Variants in GOLT1B observed in about 807,000 individuals in gnomAD.
The protein encoded by GOLT1B is vesicle transport protein GOT1B.
Under a neutral mutation model 15.4 loss-of-function variants are expected in GOLT1B, and 3 were observed. The observed-to-expected ratio is 0.19, with a 90% confidence interval of 0.09 to 0.50. GOLT1B has a LOEUF of 0.50. GOLT1B is among the 20% of genes least tolerant of loss of function. The probability of loss-of-function intolerance (pLI) is 0.97; values close to 1 mark genes in which losing one functional copy is unlikely to be tolerated. For missense variants in GOLT1B, 145 were observed against 160.4 expected (o/e 0.90, Z 0.52); for synonymous variants, 65 against 56.2 (o/e 1.16, Z -0.70).
chr12:21,512,197 C>T (rs1943724872), intron 3 of GOLT1B, 98 bp from the exon 4 acceptor site: 1 of 705,506 alleles, frequency 1.4e-6, no homozygotes. Context: ...CTCAATTATT[C>T]AGAATTTTAA....
Position 21,512,390 on chromosome 12 carries a change from T to C in GOLT1B, c.378+14T>C. The C allele has an allele frequency of 8.4e-7, 1 of 1,197,268 alleles. No individual in the cohort carries two copies. Among genetic ancestry groups the C allele is most frequent in the Non-Finnish European group, 1.2e-6 (1 of 804,774 alleles). The allele number at this position is 1,197,268 out of a possible 1,614,324, so 74.2% of individuals were successfully genotyped here. On this transcript the variant is annotated intron_variant, in intron 4 of 4. Transcript: ENST00000229314. ...GGAATTAGATCAGTAAGTAATCATGTATATTTTAGGCCAACAAAATACGTA... is the reference window on the plus strand; with the variant it reads ...GGAATTAGATCAGTAAGTAATCATGCATATTTTAGGCCAACAAAATACGTA...
Position 21,507,892 on chromosome 12 carries a change from G to A in GOLT1B, c.118-491G>A, listed in dbSNP as rs77845820. 1.5e-3 allele frequency: 675 copies of A among 445,434 alleles called. 5 individuals are homozygous for A. Among genetic ancestry groups the A allele is most frequent in the African/African-American group, 0.012 (600 of 49,594 alleles). 27.6% of individuals were successfully genotyped at this position (445,434 alleles called of 1,614,324 possible). On this transcript the variant is annotated intron_variant, in intron 2 of 4. Transcript: ENST00000229314. ...AAAACTAGAATCTTCTTGGCTTCAC[G>A]TTGTTTCTTCTGCTATCAACTTAGC...
intron 1 of GOLT1B, among the ~76,000 whole-genome samples, chr12:21,506,265 A>G (rs1465136900): frequency 6.6e-6 from 1 of 152,086 alleles, no homozygotes; most frequent in East Asian, 1.9e-4. Context: ...TAAGTCCATA[A>G]TAAGTAATCA....
Position 21,515,690 on chromosome 12 carries a change from A to G in GOLT1B, c.400A>G (p.Ser134Gly). The G allele has an allele frequency of 7.2e-7, 1 of 1,379,648 alleles. No individual in the cohort carries two copies. Among genetic ancestry groups the G allele is most frequent in the Non-Finnish European group, 1.0e-6 (1 of 975,898 alleles). The allele number at this position is 1,379,648 out of a possible 1,614,324, so 85.5% of individuals were successfully genotyped here. Residue 134 changes from serine to glycine, a missense_variant, in exon 5 of 5, where the codon AGC becomes GGC. Ser to Gly is a moderately conservative substitution (Grantham distance 56). Coordinates refer to ENST00000229314, the MANE Select transcript of GOLT1B (RefSeq NM_016072.5). ...ACAGTTTGTAGATAAAGTTGGAGAA[A>G]GCAACAATATGGTATAACAACAAGT... ...IRSFVDKVGE[S>G]NNMV
intron 4 of GOLT1B, among the ~76,000 whole-genome samples, 187 bp from the exon 5 acceptor site, chr12:21,515,482 T>G (rs1943749321): frequency 6.6e-6 from 1 of 152,170 alleles, no homozygotes; most frequent in Non-Finnish European, 1.5e-5. Flanking sequence ...AAAAAAAAAT[T>G]TTATACACGT....
chr12:21,510,889 A>C (rs1591762496), intron 3 of GOLT1B, among the ~76,000 whole-genome samples: 1 of 152,216 alleles, frequency 6.6e-6, no homozygotes, highest in East Asian at 1.9e-4. Flanking sequence ...TAACTCTGTG[A>C]AGAAAACAGC....
intron 2 of GOLT1B, chr12:21,507,181 A>G (rs965141607): frequency 2.6e-5 from 15 of 577,730 alleles, no homozygotes; most frequent in African/African-American, 2.2e-4. Flanking sequence ...TTCTAATTCC[A>G]TAACTACTCT....
At chr12:21,510,745 A>G (rs1180187364) in intron 3 of GOLT1B, among the ~76,000 whole-genome samples, 1 of 152,260 alleles carries the variant, frequency 6.6e-6, no homozygotes, top group African/African-American at 2.4e-5. Flanking sequence ...CACATACACC[A>G]TCAACATAAA....
chr12:21,516,567 T>A lies in GOLT1B; in HGVS notation c.*860T>A, dbSNP rs1032020830. 6.6e-6 allele frequency: 1 copy of A among 152,082 alleles called. No individual in the cohort carries two copies. The highest frequency in any genetic ancestry group is 1.5e-5 in the Non-Finnish European group (1 of 67,908). The allele number at this position is 152,082 out of a possible 1,614,324, so 9.4% of individuals were successfully genotyped here. ...ACTAAATGATGCAAACCAAATGGATTTTTTCCATGTCATGATGTAATTTTT... is the reference window on the plus strand; with the variant it reads ...ACTAAATGATGCAAACCAAATGGATATTTTCCATGTCATGATGTAATTTTT... On this transcript the variant is annotated 3_prime_UTR_variant, in exon 5 of 5. Coordinates refer to ENST00000229314, the MANE Select transcript of GOLT1B (RefSeq NM_016072.5).
At chr12:21,502,693 T>C (rs769825736) in intron 1 of GOLT1B, among the ~76,000 whole-genome samples, 1 of 152,204 alleles carries the variant, frequency 6.6e-6, no homozygotes, top group African/African-American at 2.4e-5. Context: ...AGCATTGATA[T>C]CGGTTTCCTT....
intron 1 of GOLT1B, among the ~76,000 whole-genome samples, chr12:21,505,733 T>C (rs1268658519): frequency 6.6e-6 from 1 of 152,156 alleles, no homozygotes. Context: ...AGTTAAGCAA[T>C]AGATCAGAAA....
chr12:21,515,396 A>T (rs907138354), intron 4 of GOLT1B: 1 of 586,116 alleles, frequency 1.7e-6, no homozygotes, highest in Admixed American at 3.3e-5. Context: ...CAATTTCTTT[A>T]TTCATTGTGT....
At chr12:21,503,549 T>C (rs1035517550) in intron 1 of GOLT1B, among the ~76,000 whole-genome samples, 1 of 152,224 alleles carries the variant, frequency 6.6e-6, no homozygotes, top group Non-Finnish European at 1.5e-5. Context: ...GTTTGGACTA[T>C]GGGCATTCTC....
At chr12:21,502,203 CAG>C (rs948701493) in intron 1 of GOLT1B, among the ~76,000 whole-genome samples, 24 of 152,290 alleles carry the variant, frequency 1.6e-4, no homozygotes, top group African/African-American at 5.5e-4. Flanking sequence ...AGCTTTAGCC[CAG>C]AGTCTGTCTC....
intron 3 of GOLT1B, among the ~76,000 whole-genome samples, chr12:21,510,636 TCA>T (rs1943712795): frequency 1.3e-5 from 2 of 152,180 alleles, no homozygotes; most frequent in African/African-American, 2.4e-5. Context: ...GCATTTGAAA[TCA>T]CACATTTTTA....
chr12:21,502,477 C>G (rs1943640046), intron 1 of GOLT1B, among the ~76,000 whole-genome samples: 1 of 152,194 alleles, frequency 6.6e-6, no homozygotes, highest in South Asian at 2.1e-4. Context: ...TTTGCCAGTA[C>G]TGTAAGCAAC....
chr12:21,509,266 G>T (rs1011940887), intron 3 of GOLT1B, among the ~76,000 whole-genome samples: 1 of 151,834 alleles, frequency 6.6e-6, no homozygotes, highest in South Asian at 2.1e-4. Context: ...GGCCATGCTG[G>T]CAGGCGCCTG....
intron 1 of GOLT1B, chr12:21,504,566 C>T (rs1431162160): frequency 2.0e-6 from 1 of 508,686 alleles, no homozygotes; most frequent in Non-Finnish European, 3.9e-6. Flanking sequence ...TGGTTGAATG[C>T]TGACTTCACA....
chr12:21,506,545 C>T (rs1943679815), intron 1 of GOLT1B, among the ~76,000 whole-genome samples: 1 of 151,958 alleles, frequency 6.6e-6, no homozygotes, highest in Admixed American at 6.6e-5. Context: ...ACATTTATGT[C>T]TGATGCGAGA....
Sources: gnomAD v4.1 joint callset for allele counts (sites outside exome capture counted in the v4.1 genomes callset) on GRCh38, gnomAD v4.1.1 for gene constraint, MANE v1.5 for transcripts, NCBI Gene and HGNC (gene_info 2026-07-23, HGNC 2026-07-21) for gene names.